ROCK1: variants seen among roughly 807,000 people sequenced by gnomAD.
The protein encoded by ROCK1 is rho-associated protein kinase 1.
Under a neutral mutation model 196.8 loss-of-function variants are expected in ROCK1, and 36 were observed. The observed-to-expected ratio is 0.18, with a 90% CI of 0.14 to 0.24. The LOEUF is 0.24. Ranked by LOEUF, ROCK1 falls within the 10% of genes least tolerant of loss-of-function variation. The pLI is 1.00. For synonymous variants in ROCK1, 443 were observed against 515.9 expected, an observed-to-expected ratio of 0.86 and a Z score of 1.91; for missense variants, 920 against 1,562.0, an observed-to-expected ratio of 0.59 and a Z score of 6.93.
intron 1 of ROCK1, among the ~76,000 whole-genome samples, chr18:21,082,230 C>T (rs2143571467): frequency 6.6e-6 from 1 of 152,116 alleles, no homozygotes; most frequent in African/African-American, 2.4e-5. Flanking sequence ...TGTGAGTAGG[C>T]AGTATGTCCG....
At chr18:21,041,850 CAAT>C (rs1598540089) in intron 8 of ROCK1, among the ~76,000 whole-genome samples, 1 of 151,634 alleles carries the variant, frequency 6.6e-6, no homozygotes, top group Non-Finnish European at 1.5e-5. Flanking sequence ...AAAAATTGAA[CAAT>C]AAAAGAAAAA....
chr18:21,098,417 A>G (rs1282928439), intron 1 of ROCK1, among the ~76,000 whole-genome samples: 1 of 152,220 alleles, frequency 6.6e-6, no homozygotes, highest in African/African-American at 2.4e-5. Context: ...TTTACCATAC[A>G]TGATAAATTC....
At position 21,027,750 on chromosome 18, in the gene ROCK1, ATTTTTTTTTTT is replaced by A. The variant is rs751964514; in HGVS notation, c.1211+1015_1211+1025del. 1.5e-4 allele frequency among the ~76,000 whole-genome samples: 14 copies of A among 95,322 alleles called. 1 individual carries two copies. Among genetic ancestry groups the A allele is most frequent in the South Asian group, 9.5e-4 (3 of 3,168 alleles). 62.5% of individuals were successfully genotyped at this position (95,322 alleles called of 152,430 possible). A position where few individuals can be genotyped will look rare whatever the true frequency, so the allele number is the denominator to read the frequency against. On this transcript the variant is annotated intron_variant, in intron 10 of 32. Transcript: ENST00000399799. ...GTAAAATTTGGGGAGGAATCACTTA[ATTTTTTTTTTT>A]TTTTTTTTTTTTTTTTTTGAGACGG...
chr18:20,958,897 TTA>T (rs1314346691), intron 29 of ROCK1, among the ~76,000 whole-genome samples: 3,617 of 34,864 alleles, frequency 0.1, 149 homozygotes, highest in East Asian at 0.27. Context: ...ATATATTTAT[TTA>T]TATATATATA....
At chr18:21,026,563 GA>G (rs1427466250) in intron 10 of ROCK1, among the ~76,000 whole-genome samples, 1 of 151,798 alleles carries the variant, frequency 6.6e-6, no homozygotes, top group African/African-American at 2.4e-5. Flanking sequence ...TGTTAGGGAG[GA>G]AAAAAAGATA....
rs138931563 is a variant in ROCK1, at chr18:21,031,169, C to A, written c.1052-2234G>T. Reference sequence around the variant, plus strand: ...GGGGGAAAGAGGAAGAATCTGATTTCCAGAGTTACAACACTGTAATATCCA... The same window carrying A: ...GGGGGAAAGAGGAAGAATCTGATTTACAGAGTTACAACACTGTAATATCCA... On this transcript the variant is annotated intron_variant, in intron 9 of 32. Coordinates refer to ENST00000399799, the MANE Select transcript of ROCK1 (RefSeq NM_005406.3). 7.9e-5 allele frequency among the ~76,000 whole-genome samples: 12 copies of A among 152,260 alleles called. No individual in the cohort carries two copies. In the East Asian group the frequency reaches 2.3e-3, roughly 29 times the overall value.
At chr18:20,968,034 CTG>C in intron 25 of ROCK1, 94 bp from the exon 26 acceptor site, 1 of 1,163,542 alleles carries the variant, frequency 8.6e-7, no homozygotes, top group Non-Finnish European at 1.2e-6. Flanking sequence ...GCAGGACTTT[CTG>C]TGTGTATGAA....
chr18:20,984,901 C>T (rs1231232727), intron 19 of ROCK1, among the ~76,000 whole-genome samples: 1 of 152,020 alleles, frequency 6.6e-6, no homozygotes, highest in Non-Finnish European at 1.5e-5. Context: ...ATTGCTTGAA[C>T]CCAGAGTTTG....
intron 17 of ROCK1, 24 bp from the exon 18 acceptor site, chr18:20,991,350 T>C (rs1287131542): frequency 1.3e-6 from 2 of 1,518,862 alleles, no homozygotes; most frequent in Non-Finnish European, 9.0e-7. Flanking sequence ...GTAGGAGTCA[T>C]GTAATAAACT....
intron 1 of ROCK1, among the ~76,000 whole-genome samples, chr18:21,078,434 T>C (rs903414627): frequency 1.3e-5 from 2 of 151,070 alleles, no homozygotes; most frequent in Non-Finnish European, 2.9e-5. Context: ...AGAAATTATT[T>C]TAGGCAGATA....
At chr18:20,982,447 TCA>T (rs1320213172) in intron 21 of ROCK1, among the ~76,000 whole-genome samples, 2 of 152,176 alleles carry the variant, frequency 1.3e-5, no homozygotes, top group East Asian at 3.9e-4. Flanking sequence ...AGACGGGGTT[TCA>T]CCATGTTGGC....
Position 20,967,905 on chromosome 18 carries a change from T to A in ROCK1, c.3039A>T (p.Lys1013Asn). The stretch of plus-strand genomic sequence containing the variant: ...CTTTCTTTCTATCAATTTTAAAATC[T>A]TTTCGATTCATTATTTCTGCCAATT... ...VNKLAEIMNR[K>N]DFKIDRKKAN... The change falls in exon 26 of 33, where the codon AAA becomes AAT. Residue 1013 changes from lysine to asparagine, a missense_variant. Around this residue, in one of 6 missense-constraint regions of ROCK1, gnomAD observed 116 missense variants for 204.2 expected, o/e 0.57. Coordinates refer to ENST00000399799, the MANE Select transcript of ROCK1 (RefSeq NM_005406.3). 6.3e-7 allele frequency: 1 copy of A among 1,578,032 alleles called. No homozygotes were observed. Among genetic ancestry groups the A allele is most frequent in the Non-Finnish European group, 8.6e-7 (1 of 1,160,134 alleles).
chr18:21,080,862 T>C (rs866587306), intron 1 of ROCK1, among the ~76,000 whole-genome samples: 3 of 152,134 alleles, frequency 2.0e-5, no homozygotes, highest in Non-Finnish European at 2.9e-5. Context: ...CCCCATGATA[T>C]GTGAAGCAAA....
Position 21,045,899 on chromosome 18 carries a change from G to GTTTTT in ROCK1, c.415-437_415-433dup, listed in dbSNP as rs34360056. On this transcript the variant is annotated intron_variant, in intron 4 of 32. Coordinates refer to ENST00000399799, the MANE Select transcript of ROCK1 (RefSeq NM_005406.3). ...ATAAATTTGGCTTACAGTTTCAGCT[G>GTTTTT]TTTTTTTTTTTTTTTTTTTTTTTTT... 8.6e-4 allele frequency among the ~76,000 whole-genome samples: 54 copies of GTTTTT among 62,492 alleles called. 9 individuals are homozygous for GTTTTT. The highest frequency in any genetic ancestry group is 4.4e-3 in the East Asian group (7 of 1,604). 41.0% of individuals were successfully genotyped at this position (62,492 alleles called of 152,430 possible). A position where few individuals can be genotyped will look rare whatever the true frequency, so the allele number is the denominator to read the frequency against.
At chr18:21,013,643 G>A (rs1181286056) in intron 13 of ROCK1, among the ~76,000 whole-genome samples, 3 of 152,196 alleles carry the variant, frequency 2.0e-5, no homozygotes, top group African/African-American at 7.2e-5. Context: ...GTTTGTTACT[G>A]CCCACAGGAG....
chr18:20,992,014 CA>C (rs1233165155), intron 17 of ROCK1, among the ~76,000 whole-genome samples: 2 of 151,782 alleles, frequency 1.3e-5, no homozygotes, highest in Non-Finnish European at 2.9e-5. Context: ...TTTGCTTTCA[CA>C]AAAAAACAAA....
intron 22 of ROCK1, among the ~76,000 whole-genome samples, chr18:20,977,575 C>T (rs1477493654): frequency 1.3e-5 from 2 of 152,146 alleles, no homozygotes; most frequent in Admixed American, 6.6e-5. Context: ...TTCTGAAGCA[C>T]CTGAAGAATC....
chr18:21,050,298 A>T (rs2036193463), intron 2 of ROCK1, among the ~76,000 whole-genome samples: 1 of 151,886 alleles, frequency 6.6e-6, no homozygotes, highest in Non-Finnish European at 1.5e-5. Flanking sequence ...AGTTTTAGTG[A>T]TCCTTTAAAA....
chr18:21,041,862 A>T (rs1330141640), intron 8 of ROCK1, among the ~76,000 whole-genome samples: 1 of 152,160 alleles, frequency 6.6e-6, no homozygotes, highest in Non-Finnish European at 1.5e-5. Context: ...ATAAAAGAAA[A>T]AAGTCATCTA....
Sources: gnomAD v4.1 joint callset for allele counts (sites outside exome capture counted in the v4.1 genomes callset) on GRCh38, gnomAD v4.1.1 for gene constraint, gnomAD v4.1.1 regional missense constraint, MANE v1.5 for transcripts, NCBI Gene and HGNC (gene_info 2026-07-23, HGNC 2026-07-21) for gene names.